The following DAW1 variants were observed in gnomAD, a reference collection of about 807,000 sequenced individuals.
DAW1 encodes dynein assembly factor with WD repeat domains 1.
In DAW1, 47 loss-of-function variants were observed where a neutral mutation model predicts 56.5. The observed-to-expected ratio is 0.83, with a 90% CI of 0.66 to 1.06. The LOEUF is 1.06. Ranked by LOEUF, DAW1 falls within the 50% of genes least tolerant of loss-of-function variation. The pLI is 0.00. For synonymous variants in DAW1, 190 were observed against 179.0 expected (o/e 1.06, Z -0.49); for missense variants, 505 against 499.3 (o/e 1.01, Z -0.11).
At chr2:227,917,417 C>T (rs1486207071) in intron 10 of DAW1, among the ~76,000 whole-genome samples, 1 of 152,032 alleles carries the variant, frequency 6.6e-6, no homozygotes, top group African/African-American at 2.4e-5. Flanking sequence ...CTCACCACCG[C>T]ACCCGGCTAA....
intron 1 of DAW1, among the ~76,000 whole-genome samples, chr2:227,879,557 T>C (rs1690960616): frequency 6.6e-6 from 1 of 151,996 alleles, no homozygotes; most frequent in Non-Finnish European, 1.5e-5. Context: ...GACGAATTTG[T>C]CAATTTTTTC....
intron 10 of DAW1, among the ~76,000 whole-genome samples, chr2:227,913,988 ATC>A (rs71723734): frequency 0.48 from 71,345 of 147,302 alleles, 17,405 homozygotes; most frequent in Middle Eastern, 0.62. Context: ...ATATATCTGT[ATC>A]TCTCTCTCTC....
intron 12 of DAW1, among the ~76,000 whole-genome samples, chr2:227,923,712 G>A (rs1357565155): frequency 1.3e-5 from 2 of 151,440 alleles, no homozygotes; most frequent in Admixed American, 6.6e-5. Flanking sequence ...AGCAGGATGC[G>A]TACCTGCTTA....
At chr2:227,915,124 G>A (rs1691921491) in intron 10 of DAW1, among the ~76,000 whole-genome samples, 1 of 152,038 alleles carries the variant, frequency 6.6e-6, no homozygotes, top group Non-Finnish European at 1.5e-5. Flanking sequence ...ATTTTATTAA[G>A]TATGTGTTAT....
At chr2:227,918,113 C>T (rs1202946821) in intron 10 of DAW1, among the ~76,000 whole-genome samples, 1 of 151,922 alleles carries the variant, frequency 6.6e-6, no homozygotes, top group Non-Finnish European at 1.5e-5. Context: ...GTACTTATTC[C>T]ATCCATTTCT....
intron 10 of DAW1, chr2:227,912,541 T>G (rs994743593): frequency 8.0e-7 from 1 of 1,254,966 alleles, no homozygotes; most frequent in Admixed American, 2.4e-5. Context: ...TATGTCTGTT[T>G]CATATCACTG....
chr2:227,880,273 C>A (rs181808929), intron 1 of DAW1, among the ~76,000 whole-genome samples: 200 of 152,172 alleles, frequency 1.3e-3, no homozygotes, highest in African/African-American at 4.4e-3. Flanking sequence ...CTTTTGTAAG[C>A]ACCTTAAATC....
rs116149216 is a variant in DAW1, at chr2:227,916,560, C to T, written c.974-2220C>T. Among the ~76,000 whole-genome samples the T allele has an allele frequency of 2.7e-3, 405 of 152,198 alleles. 3 individuals carry two copies. The highest frequency in any genetic ancestry group is 9.3e-3 in the African/African-American group (385 of 41,546). On this transcript the variant is annotated intron_variant, in intron 10 of 12. Coordinates refer to ENST00000309931, the MANE Select transcript of DAW1 (RefSeq NM_178821.3). ...TATTTCTCTGTCATCTTCTTGATAA[C>T]CTTGTAGAGTGCTTTACTATTTTGC...
chr2:227,905,905 C>T (rs1220419772), intron 8 of DAW1, among the ~76,000 whole-genome samples: 1 of 152,172 alleles, frequency 6.6e-6, no homozygotes, highest in Non-Finnish European at 1.5e-5. Context: ...CAGGCGCCCA[C>T]CACCACGCCT....
chr2:227,909,229 A>AAAT (rs1559311736), intron 10 of DAW1, among the ~76,000 whole-genome samples: 2 of 90,328 alleles, frequency 2.2e-5, no homozygotes, highest in East Asian at 7.3e-4. Context: ...AAAGGTGGTG[A>AAAT]TATTATCTAT....
At chr2:227,918,636 ATC>A in intron 10 of DAW1, 142 bp from the exon 11 acceptor site, 1 of 824,084 alleles carries the variant, frequency 1.2e-6, no homozygotes, top group Non-Finnish European at 1.9e-6. Flanking sequence ...AGTATTAAGT[ATC>A]TGGCTCTCAA....
At chr2:227,897,026 C>T (rs549764159) in intron 5 of DAW1, among the ~76,000 whole-genome samples, 3 of 147,076 alleles carry the variant, frequency 2.0e-5, no homozygotes, top group African/African-American at 7.6e-5. Context: ...GTTGAGGTTG[C>T]AGTGAGCTGA....
intron 5 of DAW1, among the ~76,000 whole-genome samples, chr2:227,896,633 TGAGA>T (rs926180024): frequency 3.2e-5 from 4 of 126,196 alleles, no homozygotes; most frequent in East Asian, 4.9e-4. Context: ...TGTGTGTGTA[TGAGA>T]GAGAGAGAGA....
intron 4 of DAW1, among the ~76,000 whole-genome samples, 167 bp from the exon 5 acceptor site, chr2:227,893,628 C>T (rs185883435): frequency 6.6e-5 from 10 of 152,170 alleles, no homozygotes; most frequent in Admixed American, 4.6e-4. Context: ...GCCGAGATCA[C>T]GCCATTGCAC....
At chr2:227,899,797 C>A (rs1383756538) in intron 6 of DAW1, among the ~76,000 whole-genome samples, 1 of 152,144 alleles carries the variant, frequency 6.6e-6, no homozygotes, top group Non-Finnish European at 1.5e-5. Context: ...CCACACCCAC[C>A]CCTGGAACTT....
intron 5 of DAW1, among the ~76,000 whole-genome samples, chr2:227,895,159 T>C (rs2106198167): frequency 6.6e-6 from 1 of 152,314 alleles, no homozygotes; most frequent in South Asian, 2.1e-4. Flanking sequence ...TAAGTTCTCA[T>C]TCCACTTGCA....
chr2:227,888,022 A>G (rs1691172050), intron 2 of DAW1, among the ~76,000 whole-genome samples: 1 of 152,208 alleles, frequency 6.6e-6, no homozygotes, highest in African/African-American at 2.4e-5. Context: ...TTTAATTGTT[A>G]TGAAATTAAT....
In DAW1 at chr2:227,893,915, C is replaced by T. The variant is rs760851869; in HGVS notation, c.438C>T (p.Tyr146=). Residue 146 remains tyrosine, a splice_region_variant and synonymous_variant, in exon 5 of 13, where the codon TAC becomes TAT. Coordinates refer to ENST00000309931, the MANE Select transcript of DAW1 (RefSeq NM_178821.3). ...ATGCCATAGCATTCAACAATCCTTA[C>T]GGGTGTGTTCATCCCTTCACTTATT... ...VVYAIAFNNP[Y]GDKIATGSFD... is the part of the protein sequence containing the mutation. 43 of 1,596,184 alleles carry T rather than the reference C, an allele frequency of 2.7e-5. No homozygotes were observed. Among genetic ancestry groups the T allele is most frequent in the Admixed American group, 5.4e-5 (3 of 55,852 alleles).
At chr2:227,912,426 C>A (rs751209401) in intron 10 of DAW1, 1 of 1,304,816 alleles carries the variant, frequency 7.7e-7, no homozygotes, top group Non-Finnish European at 1.0e-6. Context: ...GATCACTGGA[C>A]GTGATGCTAA....
Sources: allele counts gnomAD v4.1 joint callset (sites outside exome capture counted in the v4.1 genomes callset), GRCh38; gene constraint gnomAD v4.1.1; transcripts MANE v1.5; gene names NCBI Gene and HGNC (gene_info 2026-07-23, HGNC 2026-07-21).